The following AGAP1 variants were observed in gnomAD, a reference collection of about 807,000 sequenced individuals.
AGAP1 encodes the protein arf-GAP with GTPase, ANK repeat and PH domain-containing protein 1.
AGAP1 carries 29 observed loss-of-function variants against 105.3 expected under a neutral mutation model. That is an observed-to-expected ratio of 0.28 (90% CI 0.21 to 0.38). The LOEUF is 0.38. Among genes scored for constraint, AGAP1 ranks in the 10% least tolerant of loss-of-function variants. The probability of loss-of-function intolerance (pLI) is 1.00; values close to 1 mark genes in which losing one functional copy is unlikely to be tolerated. For synonymous variants in AGAP1, 509 were observed against 485.9 expected (o/e 1.05, Z -0.63); for missense variants, 998 against 1,165.1 (o/e 0.86, Z 2.09).
At chr2:235,708,808 G>C (rs1450991276) in intron 1 of AGAP1, among the ~76,000 whole-genome samples, 1 of 152,232 alleles carries the variant, frequency 6.6e-6, no homozygotes, top group Admixed American at 6.5e-5. Context: ...TCCTCGGAAA[G>C]CTAGGTGTGT....
rs1442845164 is a variant in AGAP1 at position 235,883,875 on chromosome 2, T to C, written c.1155+426T>C. On this transcript the variant is annotated intron_variant, in intron 10 of 17. Transcript: ENST00000304032. This position sits in a 1 kb window ranked among gnomAD's most constrained non-coding sequence, Gnocchi z 4.5. ...TCAGAAGTCAAATGCAATTCATGAC[T>C]CAGCTTTTATTGTCAGATAACACAT... is the stretch of plus-strand genomic sequence containing the variant. Among the ~76,000 whole-genome samples, 3 of 152,204 alleles carry C rather than the reference T, an allele frequency of 2.0e-5. No homozygotes were observed. Among genetic ancestry groups the C allele is most frequent in the Non-Finnish European group, 2.9e-5 (2 of 68,034 alleles).
At chr2:235,847,892 G>T (rs912065802) in intron 9 of AGAP1, among the ~76,000 whole-genome samples, 7 of 152,196 alleles carry the variant, frequency 4.6e-5, no homozygotes, top group Admixed American at 3.9e-4. Context: ...TTACCAGGCG[G>T]CCTTGGAAGC....
At position 235,728,326 on chromosome 2, in the gene AGAP1, T is replaced by TGTGTGTGTGTGTGTGTGTGTGTGTGCGC. The variant is rs986896995; in HGVS notation, c.310+10683_310+10684insTGTGTGTGTGTGTGTGTGTGTGTGCGCG. Among the ~76,000 whole-genome samples the TGTGTGTGTGTGTGTGTGTGTGTGTGCGC allele has an allele frequency of 1.8e-4, 27 of 151,740 alleles. No individual in the cohort carries two copies. The highest frequency in any genetic ancestry group is 6.3e-4 in the African/African-American group (26 of 41,202). On this transcript the variant is annotated intron_variant, in intron 3 of 17. Transcript: ENST00000304032. The surrounding 1 kb of genome is among the most constrained non-coding windows in gnomAD (Gnocchi z 4.3). Reference sequence around the variant, plus strand: ...CTGTGTGTGTGTGTGTGTGTGTGTGTGCGTGCTCTTAAATCAATGTAAATT... The same window carrying TGTGTGTGTGTGTGTGTGTGTGTGTGCGC: ...CTGTGTGTGTGTGTGTGTGTGTGTGTGTGTGTGTGTGTGTGTGTGTGTGTGCGCGCGTGCTCTTAAATCAATGTAAATT...
At chr2:235,915,656 A>G (rs1226752295) in intron 11 of AGAP1, among the ~76,000 whole-genome samples, 1 of 152,240 alleles carries the variant, frequency 6.6e-6, no homozygotes, top group African/African-American at 2.4e-5. Flanking sequence ...CCTGGGCAAC[A>G]GAGTGAGGCC....
chr2:235,661,605 T>C (rs1381970196), intron 1 of AGAP1, among the ~76,000 whole-genome samples: 3 of 152,128 alleles, frequency 2.0e-5, no homozygotes, highest in Admixed American at 6.5e-5. Context: ...TGATGTGGAC[T>C]TGGGGCTTCC....
Position 235,724,796 on chromosome 2 carries a change from A to AT in AGAP1, c.310+7153dup, listed in dbSNP as rs56328678. On this transcript the variant is annotated intron_variant, in intron 3 of 17. Transcript: ENST00000304032. The surrounding 1 kb of genome is among the most constrained non-coding windows in gnomAD (Gnocchi z 4.9). Reference sequence around the variant, plus strand: ...ACTCAGGAAAGTCGAGTTTCTGAGCATAAGTCATAGGAAATTCTCAAACAT... The same window carrying AT: ...ACTCAGGAAAGTCGAGTTTCTGAGCATTAAGTCATAGGAAATTCTCAAACAT... 0.18 allele frequency among the ~76,000 whole-genome samples: 27,381 copies of AT among 152,166 alleles called. 2,607 individuals carry two copies. The highest frequency in any genetic ancestry group is 0.24 in the Middle Eastern group (71 of 294).
Position 235,600,807 on chromosome 2 carries a change from T to TA in AGAP1, c.163+105960dup, listed in dbSNP as rs1945704079. Among the ~76,000 whole-genome samples, 2 of 152,238 alleles carry TA rather than the reference T, an allele frequency of 1.3e-5. No individual in the cohort carries two copies. The highest frequency in any genetic ancestry group is 4.1e-4 in the South Asian group (2 of 4,836). On this transcript the variant is annotated intron_variant, in intron 1 of 17. Transcript: ENST00000304032. The surrounding 1 kb of genome is among the most constrained non-coding windows in gnomAD (Gnocchi z 4.8). The stretch of plus-strand genomic sequence containing the variant: ...TTCCCCAGCCCGTTGACTCAAATGT[T>TA]AATCTCCTTTGGCAGCGCCCTCACA...
rs1328773001 is a variant in AGAP1 at position 235,701,828 on chromosome 2, A to T, written c.164-7351A>T. ...CGGCACAGAACTGACAGGCTGTGGC[A>T]GCCACAGCCTCCTCCGATGCTCCTC... On this transcript the variant is annotated intron_variant, in intron 1 of 17. Coordinates refer to ENST00000304032, the MANE Select transcript of AGAP1 (RefSeq NM_001037131.3). The surrounding 1 kb of genome is among the most constrained non-coding windows in gnomAD (Gnocchi z 4.1). 6.6e-6 allele frequency among the ~76,000 whole-genome samples: 1 copy of T among 152,094 alleles called. No individual in the cohort carries two copies. Among genetic ancestry groups the T allele is most frequent in the Non-Finnish European group, 1.5e-5 (1 of 68,026 alleles).
chr2:235,597,124 G>C (rs1945551327), intron 1 of AGAP1, among the ~76,000 whole-genome samples: 1 of 152,220 alleles, frequency 6.6e-6, no homozygotes, highest in South Asian at 2.1e-4. Flanking sequence ...TAAGGTTCCA[G>C]ACTCCAGCTC....
At chr2:235,686,484 G>A (rs1202538521) in intron 1 of AGAP1, among the ~76,000 whole-genome samples, 3 of 150,612 alleles carry the variant, frequency 2.0e-5, no homozygotes, top group Non-Finnish European at 2.9e-5. Context: ...CTAGGTATGA[G>A]TGTGAGCGTA....
intron 1 of AGAP1, among the ~76,000 whole-genome samples, chr2:235,618,137 G>A (rs141149838): frequency 7.9e-5 from 12 of 152,202 alleles, no homozygotes; most frequent in African/African-American, 2.9e-4. Context: ...TGCAGTTTTT[G>A]CTCCCTTTTA....
intron 6 of AGAP1, among the ~76,000 whole-genome samples, chr2:235,776,289 C>T (rs1436568359): frequency 2.0e-5 from 3 of 152,098 alleles, no homozygotes; most frequent in African/African-American, 4.8e-5. Context: ...TTGCCTCCTC[C>T]CTCAGCCTCT....
chr2:236,021,483 T>C (rs2056882584), intron 13 of AGAP1, among the ~76,000 whole-genome samples: 1 of 152,108 alleles, frequency 6.6e-6, no homozygotes, highest in South Asian at 2.1e-4. Flanking sequence ...ATTCCTATAA[T>C]TAGGAGTCCG....
At chr2:235,525,272 C>G (rs1381478368) in intron 1 of AGAP1, among the ~76,000 whole-genome samples, 1 of 151,958 alleles carries the variant, frequency 6.6e-6, no homozygotes, top group African/African-American at 2.4e-5. Context: ...ATGTGGAGGA[C>G]TGATACATAA....
intron 1 of AGAP1, among the ~76,000 whole-genome samples, chr2:235,616,962 AT>A (rs879809086): frequency 3.6e-3 from 515 of 141,236 alleles, no homozygotes; most frequent in Middle Eastern, 7.5e-3. Flanking sequence ...AATTTTTTTT[AT>A]TTTTTTTTTT....
intron 1 of AGAP1, among the ~76,000 whole-genome samples, chr2:235,677,768 G>A (rs138261900): frequency 2.2e-4 from 33 of 151,924 alleles, no homozygotes; most frequent in African/African-American, 6.8e-4. Context: ...GAACAATGCC[G>A]CCAGCCTTTC....
chr2:235,843,512 C>T lies in AGAP1; in HGVS notation c.1050+36181C>T, dbSNP rs1181413799. Among the ~76,000 whole-genome samples the T allele has an allele frequency of 6.6e-6, 1 of 152,160 alleles. No individual in the cohort carries two copies. The highest frequency in any genetic ancestry group is 2.4e-5 in the African/African-American group (1 of 41,434). On this transcript the variant is annotated intron_variant, in intron 9 of 17. Coordinates refer to ENST00000304032, the MANE Select transcript of AGAP1 (RefSeq NM_001037131.3). This position sits in a 1 kb window ranked among gnomAD's most constrained non-coding sequence, Gnocchi z 5.9. The stretch of plus-strand genomic sequence containing the variant: ...GAAAAGCAGTCCAGCTCCTCCTGCA[C>T]AGCACTCTTTCTGCTGTGGGATGCC...
chr2:235,865,418 G>C lies in AGAP1; in HGVS notation c.1051-17927G>C, dbSNP rs143720179. Among the ~76,000 whole-genome samples, 11 of 152,334 alleles carry C rather than the reference G, an allele frequency of 7.2e-5. No individual in the cohort carries two copies. The highest frequency in any genetic ancestry group is 2.4e-4 in the African/African-American group (10 of 41,582). ...TAACACGTGTGGCGCCGACCCCGCC[G>C]TGCGCAATCGGGGCTTTATACGATT... On this transcript the variant is annotated intron_variant, in intron 9 of 17. Coordinates refer to ENST00000304032, the MANE Select transcript of AGAP1 (RefSeq NM_001037131.3). The surrounding 1 kb of genome is among the most constrained non-coding windows in gnomAD (Gnocchi z 6.2).
rs565744845 is a variant in AGAP1 at position 236,120,261 on chromosome 2, G to A, written c.2184G>A (p.Thr728=). 3.4e-5 allele frequency: 55 copies of A among 1,613,406 alleles called. No individual in the cohort carries two copies. In the Admixed American group the frequency reaches 4.8e-4, roughly 14 times the overall value. ...TCTTCCTGGCCCCGCTGCCCTGCAC[G>A]GAGCTGTCCCTGGGCCAGCACCTGC... ...QKLFLAPLPC[T]ELSLGQHLLR... Residue 728 remains threonine (T), a synonymous_variant, in exon 17 of 18, where the codon ACG becomes ACA. Coordinates refer to ENST00000304032, the MANE Select transcript of AGAP1 (RefSeq NM_001037131.3). This position sits in a 1 kb window ranked among gnomAD's most constrained non-coding sequence, Gnocchi z 6.0.
Sources: allele counts gnomAD v4.1 joint callset (sites outside exome capture counted in the v4.1 genomes callset), GRCh38; gene constraint gnomAD v4.1.1; non-coding constraint Gnocchi (gnomAD v3.1); transcripts MANE v1.5; gene names NCBI Gene and HGNC (gene_info 2026-07-23, HGNC 2026-07-21).